The following THSD4 variants were observed in gnomAD, a reference collection of about 807,000 sequenced individuals.
The protein encoded by THSD4 is thrombospondin type-1 domain-containing protein 4.
A neutral mutation model predicts 119.0 loss-of-function variants in THSD4; 69 were observed. That is an observed-to-expected ratio of 0.58 (90% CI 0.48 to 0.71). The LOEUF is 0.71. Ranked by LOEUF, THSD4 falls within the 30% of genes least tolerant of loss-of-function variation. The pLI is 0.00. For synonymous variants in THSD4, 524 were observed against 540.4 expected, an observed-to-expected ratio of 0.97 and a Z score of 0.42; for missense variants, 1,393 against 1,391.1, an observed-to-expected ratio of 1.00 and a Z score of -0.02.
At chr15:71,525,218 C>T (rs1017368360) in intron 7 of THSD4, among the ~76,000 whole-genome samples, 2 of 152,088 alleles carry the variant, frequency 1.3e-5, no homozygotes, top group African/African-American at 4.8e-5. Flanking sequence ...GGGATAGGTA[C>T]CATCAATCAT....
At chr15:71,392,797 C>G (rs911925774) in intron 6 of THSD4, among the ~76,000 whole-genome samples, 1 of 152,192 alleles carries the variant, frequency 6.6e-6, no homozygotes, top group Non-Finnish European at 1.5e-5. Context: ...CATGTGTCTT[C>G]TGTACACACC....
intron 6 of THSD4, among the ~76,000 whole-genome samples, chr15:71,267,233 G>A (rs976931361): frequency 6.6e-6 from 1 of 152,190 alleles, no homozygotes; most frequent in Non-Finnish European, 1.5e-5. Context: ...TACCCACAAA[G>A]GGAAGCCCAT....
upstream of THSD4, chr15:71,112,052 C>A: frequency 6.4e-7 from 1 of 1,572,958 alleles, no homozygotes; most frequent in Admixed American, 1.8e-5. Context: ...AATCTGTTCA[C>A]ACGTTGCTCT....
At chr15:71,097,739 T>A (rs1304495662) in intron 1 of THSD4, among the ~76,000 whole-genome samples, 5 of 143,224 alleles carry the variant, frequency 3.5e-5, no homozygotes, top group African/African-American at 7.7e-5. Flanking sequence ...TTTTTTTTTT[T>A]AAGTCCAAAG....
chr15:71,164,803 A>G, intron 3 of THSD4: 1 of 1,590,434 alleles, frequency 6.3e-7, no homozygotes, highest in Non-Finnish European at 8.5e-7. Flanking sequence ...CTTCATCTTC[A>G]TCTTCTTCAT....
intron 6 of THSD4, among the ~76,000 whole-genome samples, chr15:71,356,251 T>C (rs934547193): frequency 2.0e-5 from 3 of 152,204 alleles, no homozygotes; most frequent in Non-Finnish European, 2.9e-5. Context: ...AGCTGATGGC[T>C]ACTCTCTGCA....
At chr15:71,508,562 G>T (rs1367675465) in intron 7 of THSD4, among the ~76,000 whole-genome samples, 1 of 152,172 alleles carries the variant, frequency 6.6e-6, no homozygotes, top group East Asian at 1.9e-4. Flanking sequence ...TGCGGCAGGG[G>T]GTGGGGTGGT....
intron 1 of THSD4, among the ~76,000 whole-genome samples, chr15:71,103,146 G>T (rs1267299767): frequency 7.1e-6 from 1 of 141,748 alleles, no homozygotes; most frequent in Admixed American, 6.8e-5. Flanking sequence ...TAAAAAGAAG[G>T]CTTTTTTTTT....
At chr15:71,174,417 C>A (rs1247371188) in intron 3 of THSD4, among the ~76,000 whole-genome samples, 1 of 148,282 alleles carries the variant, frequency 6.7e-6, no homozygotes, top group Non-Finnish European at 1.5e-5. Context: ...CCGAATATTG[C>A]GCTTTTCAGA....
At chr15:71,369,635 C>G (rs2046015593) in intron 6 of THSD4, among the ~76,000 whole-genome samples, 1 of 152,172 alleles carries the variant, frequency 6.6e-6, no homozygotes, top group Admixed American at 6.5e-5. Context: ...ATGAAGCCCA[C>G]TTGATCATGG....
intron 8 of THSD4, among the ~76,000 whole-genome samples, chr15:71,675,315 T>C (rs530651573): frequency 6.6e-6 from 1 of 152,348 alleles, no homozygotes; most frequent in East Asian, 1.9e-4. Flanking sequence ...TGGATTCTCA[T>C]AGAACTCTGA....
intron 6 of THSD4, among the ~76,000 whole-genome samples, chr15:71,374,077 G>A (rs2046098035): frequency 6.6e-6 from 1 of 152,158 alleles, no homozygotes; most frequent in Non-Finnish European, 1.5e-5. Flanking sequence ...TTCTTGTGTG[G>A]AACAGCTGAG....
At chr15:71,701,493 T>C (rs2052287788) in intron 8 of THSD4, among the ~76,000 whole-genome samples, 2 of 152,136 alleles carry the variant, frequency 1.3e-5, no homozygotes, top group African/African-American at 4.8e-5. Context: ...TATAAGAATG[T>C]CCATTGCAGC....
chr15:71,718,460 C>A (rs1027941617), intron 8 of THSD4, among the ~76,000 whole-genome samples: 5 of 152,124 alleles, frequency 3.3e-5, no homozygotes, highest in Non-Finnish European at 7.4e-5. Flanking sequence ...ATGGTAGGTA[C>A]GTGAGAACTG....
intron 11 of THSD4, among the ~76,000 whole-genome samples, chr15:71,743,145 A>G (rs74022419): frequency 0.06 from 9,104 of 152,222 alleles, 296 homozygotes; most frequent in South Asian, 0.12. Flanking sequence ...GAGCTGGACC[A>G]TGGACAATGT....
intron 3 of THSD4, among the ~76,000 whole-genome samples, chr15:71,188,461 G>C (rs1377951850): frequency 6.6e-6 from 1 of 152,096 alleles, no homozygotes; most frequent in Non-Finnish European, 1.5e-5. Context: ...TACCCTGGGG[G>C]CTGAAGGAAG....
chr15:71,501,347 A>G (rs892677113), intron 7 of THSD4, among the ~76,000 whole-genome samples: 1 of 152,254 alleles, frequency 6.6e-6, no homozygotes, highest in African/African-American at 2.4e-5. Context: ...AAAGAAATTG[A>G]GACTCACATT....
intron 7 of THSD4, among the ~76,000 whole-genome samples, chr15:71,557,608 T>C (rs957501787): frequency 8.5e-5 from 13 of 152,266 alleles, no homozygotes; most frequent in South Asian, 2.1e-4. Context: ...GATGTGTTTT[T>C]CCCCCACAGG....
Position 71,097,245 on chromosome 15 carries a change from C to T in THSD4, c.-80+239C>T, listed in dbSNP as rs374626135. ...TCAACCTGGCAGCATTGCTAAATAG[C>T]TTCAAAAATATGTTATTAACTATTT... On this transcript the variant is annotated intron_variant, in intron 1 of 17. Transcript: ENST00000355327. 7.6e-4 allele frequency among the ~76,000 whole-genome samples: 115 copies of T among 152,200 alleles called. No individual in the cohort carries two copies. The South Asian group carries it at 0.022, about 29-fold the overall frequency.
Sources: gnomAD v4.1 joint callset for allele counts (sites outside exome capture counted in the v4.1 genomes callset) on GRCh38, gnomAD v4.1.1 for gene constraint, MANE v1.5 for transcripts, NCBI Gene and HGNC (gene_info 2026-07-23, HGNC 2026-07-21) for gene names.